The following ZC3H7A variants were observed in gnomAD, a reference collection of about 807,000 sequenced individuals.
ZC3H7A encodes zinc finger CCCH-type containing 7A.
In ZC3H7A, 44 loss-of-function variants were observed where a neutral mutation model predicts 125.5. That is an observed-to-expected ratio of 0.35 (90% CI 0.28 to 0.45). The LOEUF (loss-of-function observed/expected upper bound fraction) is 0.45. Ranked by LOEUF, ZC3H7A falls within the 20% of genes least tolerant of loss-of-function variation. The pLI, the probability that ZC3H7A is intolerant of heterozygous loss-of-function variation, is 1.00. For synonymous variants in ZC3H7A, 399 were observed against 391.2 expected, an observed-to-expected ratio of 1.02 and a Z score of -0.23; for missense variants, 977 against 1,170.7, an observed-to-expected ratio of 0.83 and a Z score of 2.41.
chr16:11,766,792 A>G (rs2052866477), intron 13 of ZC3H7A, among the ~76,000 whole-genome samples: 2 of 152,142 alleles, frequency 1.3e-5, no homozygotes, highest in Non-Finnish European at 2.9e-5. Context: ...CTGAGGCAAG[A>G]GAATCACTTG....
intron 19 of ZC3H7A, chr16:11,758,756 C>T (rs953150981): frequency 1.4e-5 from 7 of 497,500 alleles, no homozygotes; most frequent in African/African-American, 1.4e-4. Context: ...AAGAAAATGT[C>T]CAAAACAGAG....
intron 9 of ZC3H7A, among the ~76,000 whole-genome samples, chr16:11,771,995 C>T (rs367808603): frequency 4.6e-5 from 7 of 151,924 alleles, no homozygotes; most frequent in African/African-American, 1.7e-4. Flanking sequence ...GTGTTCAAGA[C>T]CAACCTGGCC....
chr16:11,792,010 C>G (rs2053362539), intron 1 of ZC3H7A, among the ~76,000 whole-genome samples: 1 of 152,140 alleles, frequency 6.6e-6, no homozygotes, highest in Non-Finnish European at 1.5e-5. Context: ...CTCCAGAGCT[C>G]AATCTTCCCA....
At position 11,750,634 on chromosome 16, in the gene ZC3H7A, T is replaced by C. The variant is rs980498456; in HGVS notation, c.*683A>G. 1.3e-5 allele frequency: 2 copies of C among 152,612 alleles called. No individual in the cohort carries two copies. The highest frequency in any genetic ancestry group is 2.9e-5 in the Non-Finnish European group (2 of 68,030). The allele number at this position is 152,612 out of a possible 1,614,324, so 9.5% of individuals were successfully genotyped here. On this transcript the variant is annotated 3_prime_UTR_variant, in exon 23 of 23. Coordinates refer to ENST00000355758, the MANE Select transcript of ZC3H7A (RefSeq NM_014153.4). ...CTTTATTACAGGCAGTATTGGTCCA[T>C]ACACTAACACAATACCAACAGTACA...
intron 5 of ZC3H7A, 99 bp from the exon 6 acceptor site, chr16:11,776,631 A>G: frequency 2.0e-6 from 3 of 1,494,008 alleles, no homozygotes; most frequent in Non-Finnish European, 2.7e-6. Context: ...CACCTGCTTC[A>G]TTAGCATTTA....
intron 20 of ZC3H7A, 110 bp from the exon 21 acceptor site, chr16:11,756,480 G>A: frequency 1.5e-6 from 2 of 1,364,512 alleles, no homozygotes; most frequent in East Asian, 2.4e-5. Context: ...GAAACTCAAG[G>A]GGGCTGAAGG....
At chr16:11,757,254 G>A (rs1346933920) in intron 20 of ZC3H7A, among the ~76,000 whole-genome samples, 4 of 152,090 alleles carry the variant, frequency 2.6e-5, no homozygotes, top group Non-Finnish European at 5.9e-5. Flanking sequence ...GGAGGCTGAG[G>A]CGGGTGGATC....
chr16:11,765,379 AAATG>A lies in ZC3H7A; in HGVS notation c.1719+106_1719+109del. The A allele has an allele frequency of 1.4e-6, 1 of 726,852 alleles. No homozygotes were observed. 45.0% of individuals were successfully genotyped at this position (726,852 alleles called of 1,614,324 possible). A position where few individuals can be genotyped will look rare whatever the true frequency, so the allele number is the denominator to read the frequency against. Reference sequence around the variant, plus strand: ...ATATGATATTATTTATCATATAAATAAATGAATATTTATTCATTTACCAAGTGAA... The same window carrying A: ...ATATGATATTATTTATCATATAAATAAATATTTATTCATTTACCAAGTGAA... On this transcript the variant is annotated intron_variant, in intron 14 of 22. Coordinates refer to ENST00000355758, the MANE Select transcript of ZC3H7A (RefSeq NM_014153.4). The surrounding 1 kb of genome is among the most constrained non-coding windows in gnomAD (Gnocchi z 4.8).
Position 11,776,870 on chromosome 16 carries a change from G to A in ZC3H7A, c.346C>T (p.Leu116Phe). 1 of 1,612,658 alleles carries A rather than the reference G, an allele frequency of 6.2e-7. No homozygotes were observed. The highest frequency in any genetic ancestry group is 8.5e-7 in the Non-Finnish European group (1 of 1,179,610). ...DKVLEDCNIV[L>F]SLNASNCKAL... ...TTGCAGTTACTGGCATTTAAACTGA[G>A]GACTATATTGCAGTCCTCCAAAACT... is the stretch of plus-strand genomic sequence containing the variant. The change falls in exon 5 of 23, where the codon CTC becomes TTC. Residue 116 changes from leucine to phenylalanine, a missense_variant. By Grantham distance (22) the Leu-to-Phe change is conservative. Transcript: ENST00000355758.
intron 10 of ZC3H7A, among the ~76,000 whole-genome samples, chr16:11,769,748 A>C (rs1359476931): frequency 7.9e-6 from 1 of 126,330 alleles, no homozygotes; most frequent in Non-Finnish European, 1.7e-5. Context: ...TGACCATAAC[A>C]TTTAAAAAAA....
At chr16:11,753,318 G>A (rs2052582553) in intron 21 of ZC3H7A, among the ~76,000 whole-genome samples, 1 of 152,216 alleles carries the variant, frequency 6.6e-6, no homozygotes, top group African/African-American at 2.4e-5. Flanking sequence ...GGATTTAAGT[G>A]CTACAACAGA....
intron 4 of ZC3H7A, among the ~76,000 whole-genome samples, chr16:11,777,458 C>T (rs529149065): frequency 1.5e-3 from 227 of 152,334 alleles, no homozygotes; most frequent in African/African-American, 4.8e-3. Context: ...CAGTGCCTCA[C>T]AGCTGTAGTC....
intron 1 of ZC3H7A, among the ~76,000 whole-genome samples, chr16:11,792,438 G>A (rs1266021189): frequency 6.6e-6 from 1 of 152,136 alleles, no homozygotes; most frequent in East Asian, 1.9e-4. Flanking sequence ...CCAAAGTCTA[G>A]TACAATGTTG....
At position 11,767,470 on chromosome 16, in the gene ZC3H7A, A is replaced by AT; in HGVS notation, c.1468dup (p.Ile490AsnfsTer11). The stretch of plus-strand genomic sequence containing the variant: ...ATTTGTTTTTGTTGGTCTTGGACGT[A>AT]TTTTTTTCCATGATTTATCTTCAAC... On this transcript the variant is annotated frameshift_variant, in exon 13 of 23. Coordinates refer to ENST00000355758, the MANE Select transcript of ZC3H7A (RefSeq NM_014153.4). LOFTEE classifies it high-confidence loss of function. The AT allele has an allele frequency of 1.2e-6, 2 of 1,611,052 alleles. No individual in the cohort carries two copies. The highest frequency in any genetic ancestry group is 1.7e-4 in the Middle Eastern group (1 of 5,996).
intron 1 of ZC3H7A, among the ~76,000 whole-genome samples, chr16:11,787,410 T>C (rs896311309): frequency 6.6e-6 from 1 of 152,168 alleles, no homozygotes; most frequent in African/African-American, 2.4e-5. Flanking sequence ...ATTGATTAGT[T>C]TTACCTGTGA....
rs1172863569 is a variant in ZC3H7A, at chr16:11,774,243, G to C, written c.896C>G (p.Thr299Ser). ...AGTAACACTGAAACTTACCATAACA[G>C]TTTCATTAGTTTCAGGTGCAGAATC... ...LLDSAPETNE[T>S]VMPSALVRGP... The change falls in exon 9 of 23, where the codon ACT becomes AGT. Residue 299 changes from threonine (T) to serine (S), a missense_variant. Around this residue, in one of 3 missense-constraint regions of ZC3H7A, gnomAD observed 342 missense variants for 311.3 expected, o/e 1.10. Coordinates refer to ENST00000355758, the MANE Select transcript of ZC3H7A (RefSeq NM_014153.4). The C allele has an allele frequency of 9.5e-6, 15 of 1,581,932 alleles. No individual in the cohort carries two copies. Among genetic ancestry groups the C allele is most frequent in the Non-Finnish European group, 1.3e-5 (15 of 1,160,122 alleles).
chr16:11,767,727 C>A (rs1936147021), intron 12 of ZC3H7A, 149 bp from the exon 13 acceptor site: 1 of 749,350 alleles, frequency 1.3e-6, no homozygotes, highest in Non-Finnish European at 2.0e-6. Flanking sequence ...TGTAAGTAGG[C>A]TACTAAGGTA....
intron 4 of ZC3H7A, among the ~76,000 whole-genome samples, chr16:11,778,436 CAAA>C (rs754842530): frequency 0.19 from 13,945 of 72,944 alleles, 489 homozygotes; most frequent in East Asian, 0.38. Flanking sequence ...GACACTGTCT[CAAA>C]AAAAAAAAAA....
intron 1 of ZC3H7A, among the ~76,000 whole-genome samples, chr16:11,794,483 C>G (rs2053401790): frequency 1.3e-5 from 2 of 151,994 alleles, no homozygotes; most frequent in South Asian, 4.1e-4. Flanking sequence ...TCTTGATTTG[C>G]CAACACCTCA....
Sources: gnomAD v4.1 joint callset for allele counts (sites outside exome capture counted in the v4.1 genomes callset) on GRCh38, gnomAD v4.1.1 for gene constraint, gnomAD v4.1.1 regional missense constraint, Gnocchi (gnomAD v3.1) non-coding constraint, MANE v1.5 for transcripts, NCBI Gene and HGNC (gene_info 2026-07-23, HGNC 2026-07-21) for gene names.